The following SH3PXD2A variants were observed in gnomAD, a reference collection of about 807,000 sequenced individuals.
SH3PXD2A encodes the protein SH3 and PX domains 2A.
In SH3PXD2A, 32 loss-of-function variants were observed where a neutral mutation model predicts 115.2. That is an observed-to-expected ratio of 0.28 (90% CI 0.21 to 0.37). SH3PXD2A has a LOEUF of 0.37. Ranked by LOEUF, SH3PXD2A falls within the 10% of genes least tolerant of loss-of-function variation. The probability of loss-of-function intolerance (pLI) is 1.00; values close to 1 mark genes in which losing one functional copy is unlikely to be tolerated. For missense variants in SH3PXD2A, 1,328 were observed against 1,498.7 expected, an observed-to-expected ratio of 0.89 and a Z score of 1.88; for synonymous variants, 610 against 629.1, an observed-to-expected ratio of 0.97 and a Z score of 0.45.
Position 103,744,676 on chromosome 10 carries a change from C to T in SH3PXD2A, c.230-8868G>A, listed in dbSNP as rs2038481400. Reference sequence around the variant, plus strand: ...CAACATCTGGCTTTGTTGCCATTTACTTGGGCTGGGGGAAGGCAGGAGTGA... The same window carrying T: ...CAACATCTGGCTTTGTTGCCATTTATTTGGGCTGGGGGAAGGCAGGAGTGA... On this transcript the variant is annotated intron_variant, in intron 3 of 14. Transcript: ENST00000369774. Among the ~76,000 whole-genome samples, 3 of 152,170 alleles carry T rather than the reference C, an allele frequency of 2.0e-5. No homozygotes were observed. The South Asian group carries it at 6.2e-4, about 32-fold the overall frequency.
chr10:103,805,353 T>C (rs1021500793), intron 1 of SH3PXD2A, among the ~76,000 whole-genome samples: 1 of 152,190 alleles, frequency 6.6e-6, no homozygotes, highest in African/African-American at 2.4e-5. Context: ...ACCCTCCTTA[T>C]TGGCTGCAAG....
At chr10:103,747,103 G>C (rs1284091306) in intron 3 of SH3PXD2A, 1 of 152,366 alleles carries the variant, frequency 6.6e-6, no homozygotes, top group Non-Finnish European at 1.5e-5. Flanking sequence ...AAAGGTGAGT[G>C]AGTGTGAGTG....
At position 103,594,109 on chromosome 10, in the gene SH3PXD2A, A is replaced by G. The variant is rs1399030036; in HGVS notation, c.*7707T>C. Reference sequence around the variant, plus strand: ...AAACATAAAATACAAAACAAAACCCAAATCTTACAGTCTAGAAGCATGCCA... The same window carrying G: ...AAACATAAAATACAAAACAAAACCCGAATCTTACAGTCTAGAAGCATGCCA... On this transcript the variant is annotated 3_prime_UTR_variant, in exon 15 of 15. Coordinates refer to ENST00000369774, the MANE Select transcript of SH3PXD2A (RefSeq NM_001394015.1). The G allele has an allele frequency of 2.6e-5, 4 of 152,592 alleles. No individual in the cohort carries two copies. Among genetic ancestry groups the G allele is most frequent in the African/African-American group, 9.7e-5 (4 of 41,442 alleles). 9.5% of individuals were successfully genotyped at this position (152,592 alleles called of 1,614,324 possible).
intron 5 of SH3PXD2A, among the ~76,000 whole-genome samples, chr10:103,697,301 C>T (rs2037836916): frequency 6.6e-6 from 1 of 152,148 alleles, no homozygotes; most frequent in Non-Finnish European, 1.5e-5. Context: ...ACAGAAACTG[C>T]TATAAATTGT....
At position 103,598,451 on chromosome 10, in the gene SH3PXD2A, G is replaced by T. The variant is rs988977662; in HGVS notation, c.*3365C>A. 1.3e-5 allele frequency: 2 copies of T among 152,636 alleles called. No individual in the cohort carries two copies. Among genetic ancestry groups the T allele is most frequent in the Non-Finnish European group, 2.9e-5 (2 of 68,052 alleles). The allele number at this position is 152,636 out of a possible 1,614,324, so 9.5% of individuals were successfully genotyped here. On this transcript the variant is annotated 3_prime_UTR_variant, in exon 15 of 15. Coordinates refer to ENST00000369774, the MANE Select transcript of SH3PXD2A (RefSeq NM_001394015.1). ...AAGAAAAAGGTCTTGAAACGGAAAG[G>T]AAAACAAAGCACCAAATGCTGCATC...
chr10:103,714,479 G>T (rs1338746096), intron 5 of SH3PXD2A, among the ~76,000 whole-genome samples: 2 of 152,212 alleles, frequency 1.3e-5, no homozygotes, highest in Non-Finnish European at 2.9e-5. Context: ...GGCTGGACTG[G>T]GGGTGTTTGA....
rs571004787 is a variant in SH3PXD2A, at chr10:103,612,312, C to T, written c.1258+541G>A. 2.0e-5 allele frequency among the ~76,000 whole-genome samples: 3 copies of T among 152,244 alleles called. No individual in the cohort carries two copies. In the East Asian group the frequency reaches 5.8e-4, roughly 29 times the overall value. Reference sequence around the variant, plus strand: ...GTGTAGAGTGGTAAAGCCTTAGCTCCCAAGTCTCTTAGGTTTCCAGTAACG... The same window carrying T: ...GTGTAGAGTGGTAAAGCCTTAGCTCTCAAGTCTCTTAGGTTTCCAGTAACG... On this transcript the variant is annotated intron_variant, in intron 12 of 14. Transcript: ENST00000369774.
rs1592255323 is a variant in SH3PXD2A at position 103,602,515 on chromosome 10, T to C, written c.2703A>G (p.Gln901=). 1 of 1,614,106 alleles carries C rather than the reference T, an allele frequency of 6.2e-7. No homozygotes were observed. The highest frequency in any genetic ancestry group is 2.2e-5 in the East Asian group (1 of 44,866). ...CCAGCTCTTTGCCAGAGGGGTCAGG[T>C]TGCTCGTTCTCATCCAGCACCAAAT... The part of the protein sequence containing the change: ...SHYLVLDENE[Q]PDPSGKELDT... The change falls in exon 15 of 15, where the codon CAA becomes CAG. Residue 901 remains glutamine, a synonymous_variant. Coordinates refer to ENST00000369774, the MANE Select transcript of SH3PXD2A (RefSeq NM_001394015.1).
chr10:103,848,252 G>C (rs559126414), intron 1 of SH3PXD2A, among the ~76,000 whole-genome samples: 2 of 152,064 alleles, frequency 1.3e-5, no homozygotes, highest in South Asian at 4.2e-4. Flanking sequence ...CCAGGAGCCT[G>C]GGTGCAATCA....
intron 3 of SH3PXD2A, among the ~76,000 whole-genome samples, chr10:103,738,834 G>T (rs1208537601): frequency 2.0e-5 from 3 of 148,212 alleles, no homozygotes; most frequent in Admixed American, 6.8e-5. Context: ...CACTTTTGTT[G>T]TCCAGGCTGG....
At chr10:103,664,006 T>C (rs1404791484) in intron 7 of SH3PXD2A, among the ~76,000 whole-genome samples, 1 of 152,234 alleles carries the variant, frequency 6.6e-6, no homozygotes, top group African/African-American at 2.4e-5. Flanking sequence ...TACTTAGGCA[T>C]GCCAGCTTCT....
intron 9 of SH3PXD2A, among the ~76,000 whole-genome samples, chr10:103,626,656 G>C (rs1469125492): frequency 6.6e-6 from 1 of 151,930 alleles, no homozygotes; most frequent in Non-Finnish European, 1.5e-5. Flanking sequence ...GCTGGGTGCG[G>C]TGGCCCACAC....
intron 14 of SH3PXD2A, among the ~76,000 whole-genome samples, chr10:103,604,173 C>T (rs1011791494): frequency 5.9e-5 from 9 of 152,238 alleles, no homozygotes; most frequent in South Asian, 2.1e-4. Context: ...CTTCCCTCCT[C>T]GTACCCTCGA....
At chr10:103,713,901 G>C (rs1213601168) in intron 5 of SH3PXD2A, among the ~76,000 whole-genome samples, 1 of 152,206 alleles carries the variant, frequency 6.6e-6, no homozygotes, top group Admixed American at 6.5e-5. Flanking sequence ...CTCCCCCTTA[G>C]ACCACCAGGG....
chr10:103,648,724 C>T (rs1365901077), intron 8 of SH3PXD2A, among the ~76,000 whole-genome samples: 6 of 152,232 alleles, frequency 3.9e-5, no homozygotes, highest in Non-Finnish European at 7.3e-5. Context: ...CTAAAAACCA[C>T]GAGAAGCACC....
chr10:103,689,325 C>G (rs1043436974), intron 6 of SH3PXD2A, among the ~76,000 whole-genome samples: 1 of 152,084 alleles, frequency 6.6e-6, no homozygotes, highest in Non-Finnish European at 1.5e-5. Context: ...GGTGGGGAGA[C>G]AGTTGGTTCT....
At position 103,664,248 on chromosome 10, in the gene SH3PXD2A, C is replaced by T. The variant is rs78778367; in HGVS notation, c.473-3134G>A. Among the ~76,000 whole-genome samples, 1,420 of 152,336 alleles carry T rather than the reference C, an allele frequency of 9.3e-3. 12 individuals are homozygous for T. The highest frequency in any genetic ancestry group is 0.014 in the Non-Finnish European group (970 of 68,018). On this transcript the variant is annotated intron_variant, in intron 7 of 14. Transcript: ENST00000369774. ...ATGAGAAGAGTGGGAAAGAAAGGCT[C>T]CAGCAACAAACAAGAATAGAGAGTT...
At chr10:103,614,306 CAAGT>C (rs1379446942) in intron 11 of SH3PXD2A, among the ~76,000 whole-genome samples, 1 of 151,996 alleles carries the variant, frequency 6.6e-6, no homozygotes, top group Non-Finnish European at 1.5e-5. Context: ...TTAGGAAAAA[CAAGT>C]AAGACAGACA....
intron 3 of SH3PXD2A, among the ~76,000 whole-genome samples, chr10:103,759,967 C>T (rs11191797): frequency 0.18 from 27,295 of 152,194 alleles, 2,718 homozygotes; most frequent in Non-Finnish European, 0.22. Context: ...TTGTACATGT[C>T]TTGTAAACAA....
Sources: gnomAD v4.1 joint callset for allele counts (sites outside exome capture counted in the v4.1 genomes callset) on GRCh38, gnomAD v4.1.1 for gene constraint, MANE v1.5 for transcripts, NCBI Gene and HGNC (gene_info 2026-07-23, HGNC 2026-07-21) for gene names.